Variants in BTBD7 observed in about 807,000 individuals in gnomAD.
BTBD7 encodes the protein BTB domain containing 7, also known as BTB/POZ domain-containing protein 7.
BTBD7 carries 38 observed loss-of-function variants against 99.9 expected under a neutral mutation model. The ratio of observed to expected loss-of-function variants is 0.38; its 90% CI spans 0.29 to 0.50. BTBD7 has a LOEUF of 0.50. BTBD7 is among the 20% of genes least tolerant of loss of function. BTBD7 has a pLI of 0.93. For synonymous variants in BTBD7, 520 were observed against 511.4 expected, an observed-to-expected ratio of 1.02 and a Z score of -0.23; for missense variants, 1,170 against 1,394.6, an observed-to-expected ratio of 0.84 and a Z score of 2.57.
At position 93,332,917 on chromosome 14, in the gene BTBD7, AC is replaced by A. The variant is rs1409708998; in HGVS notation, c.-205del. On this transcript the variant is annotated 5_prime_UTR_variant, in exon 1 of 11. An upstream open reading frame in the 5' UTR gains an earlier in-frame stop. Transcript: ENST00000334746. ...CACCGCCGTCCGCACCGGCGCCAGC[AC>A]CCCCGGCCATCCTCCTCCCACCGCC... 3.3e-6 allele frequency: 4 copies of A among 1,223,054 alleles called. No individual in the cohort carries two copies. The highest frequency in any genetic ancestry group is 3.2e-5 in the Admixed American group (1 of 30,996). The allele number at this position is 1,223,054 out of a possible 1,614,324, so 75.8% of individuals were successfully genotyped here.
At chr14:93,253,141 T>C (rs1022239039) in intron 7 of BTBD7, among the ~76,000 whole-genome samples, 1 of 152,228 alleles carries the variant, frequency 6.6e-6, no homozygotes, top group Non-Finnish European at 1.5e-5. Context: ...TGTTACAATA[T>C]ACATAATGCG....
chr14:93,300,768 G>A lies in BTBD7; in HGVS notation c.-106-4611C>T, dbSNP rs1337649883. On this transcript the variant is annotated intron_variant, in intron 1 of 10. Coordinates refer to ENST00000334746, the MANE Select transcript of BTBD7 (RefSeq NM_001002860.4). Reference sequence around the variant, plus strand: ...TGTGTGTGTGTGTGTGTGTGTGTGTGTGTGTATATATATATATATTTTTTT... The same window carrying A: ...TGTGTGTGTGTGTGTGTGTGTGTGTATGTGTATATATATATATATTTTTTT... 2.3e-3 allele frequency among the ~76,000 whole-genome samples: 80 copies of A among 34,388 alleles called. 2 individuals carry two copies. Among genetic ancestry groups the A allele is most frequent in the African/African-American group, 5.2e-3 (22 of 4,254 alleles). The allele number at this position is 34,388 out of a possible 152,430, so 22.6% of individuals were successfully genotyped here. A position where few individuals can be genotyped will look rare whatever the true frequency, so the allele number is the denominator to read the frequency against.
At chr14:93,280,869 C>T (rs1441597817) in intron 3 of BTBD7, among the ~76,000 whole-genome samples, 2 of 139,224 alleles carry the variant, frequency 1.4e-5, no homozygotes, top group East Asian at 2.2e-4. Context: ...TTTTTTGAAA[C>T]AGATCTTACT....
chr14:93,280,329 T>G (rs1435546544), intron 3 of BTBD7, among the ~76,000 whole-genome samples: 1 of 152,238 alleles, frequency 6.6e-6, no homozygotes, highest in African/African-American at 2.4e-5. Flanking sequence ...CACTGTTCTT[T>G]AATGTAAACA....
At chr14:93,295,912 A>T in intron 2 of BTBD7, 58 bp downstream of exon 2, 1 of 1,541,080 alleles carries the variant, frequency 6.5e-7, no homozygotes, top group Admixed American at 1.7e-5. Flanking sequence ...GAGACTACCG[A>T]AAACACAATT....
rs200559847 is a variant in BTBD7 at position 93,302,998 on chromosome 14, G to A, written c.-106-6841C>T. On this transcript the variant is annotated intron_variant, in intron 1 of 10. Transcript: ENST00000334746. ...AGTGCACTGCAGCCTGGGTGACAGA[G>A]CAAGATCCTATCTCAAAAAAAGAGG... Among the ~76,000 whole-genome samples the A allele has an allele frequency of 3.9e-5, 6 of 152,246 alleles. No individual in the cohort carries two copies. The East Asian group carries it at 1.2e-3, about 29-fold the overall frequency.
At chr14:93,280,035 C>T (rs2052701266) in intron 3 of BTBD7, among the ~76,000 whole-genome samples, 1 of 152,158 alleles carries the variant, frequency 6.6e-6, no homozygotes, top group African/African-American at 2.4e-5. Context: ...ATTTAATCTA[C>T]TGCCTCTAAA....
intron 1 of BTBD7, among the ~76,000 whole-genome samples, chr14:93,312,347 T>C (rs1272048574): frequency 6.6e-6 from 1 of 152,244 alleles, no homozygotes; most frequent in Non-Finnish European, 1.5e-5. Context: ...CAGCTTAAAG[T>C]ACCAGTTAAA....
chr14:93,255,178 C>T (rs2052415261), intron 6 of BTBD7, among the ~76,000 whole-genome samples: 1 of 152,180 alleles, frequency 6.6e-6, no homozygotes, highest in Non-Finnish European at 1.5e-5. Flanking sequence ...CAGGGTCTCA[C>T]TCTGTTGCCC....
intron 5 of BTBD7, among the ~76,000 whole-genome samples, chr14:93,260,036 G>T (rs1469852060): frequency 6.6e-6 from 1 of 152,114 alleles, no homozygotes; most frequent in Admixed American, 6.5e-5. Context: ...AATTGCTAAA[G>T]GTTTTTGCCA....
At chr14:93,261,741 G>C in intron 4 of BTBD7, 64 bp from the exon 5 acceptor site, 2 of 1,224,320 alleles carry the variant, frequency 1.6e-6, no homozygotes, top group Non-Finnish European at 2.4e-6. Flanking sequence ...TTTCATTAAG[G>C]ACTTTTCGTA....
At chr14:93,313,449 T>C (rs1319846383) in intron 1 of BTBD7, among the ~76,000 whole-genome samples, 1 of 152,206 alleles carries the variant, frequency 6.6e-6, no homozygotes, top group Non-Finnish European at 1.5e-5. Context: ...TAACCTATTA[T>C]AATTCATAAC....
At chr14:93,261,270 TCAA>T (rs1313274743) in intron 5 of BTBD7, among the ~76,000 whole-genome samples, 1 of 152,258 alleles carries the variant, frequency 6.6e-6, no homozygotes, top group African/African-American at 2.4e-5. Flanking sequence ...CAAATTTTCA[TCAA>T]CATTATGCTT....
At chr14:93,304,618 T>C (rs892542634) in intron 1 of BTBD7, among the ~76,000 whole-genome samples, 4 of 152,168 alleles carry the variant, frequency 2.6e-5, no homozygotes, top group African/African-American at 9.7e-5. Context: ...TCCCAGAGTG[T>C]TGGGATTACA....
rs2052247855 is a variant in BTBD7, at chr14:93,242,688, C to A, written c.2984G>T (p.Gly995Val). Residue 995 changes from glycine (G) to valine (V), a missense_variant, in exon 11 of 11, where the codon GGT becomes GTT. Physicochemically the swap from Gly to Val is moderately radical, Grantham distance 109. Around this residue, in one of 4 missense-constraint regions of BTBD7, gnomAD observed 495 missense variants for 525.9 expected, o/e 0.94. Transcript: ENST00000334746. ...PSGLKSAYLPGQTSPKKQEEA... is the reference protein window; with the variant it reads ...PSGLKSAYLPVQTSPKKQEEA... ...TTCCTGTTTTTTAGGAGACGTCTGACCAGGTAGGTAGGCTGACTTTAAGCC... is the reference window on the plus strand; with the variant it reads ...TTCCTGTTTTTTAGGAGACGTCTGAACAGGTAGGTAGGCTGACTTTAAGCC... The A allele has an allele frequency of 1.9e-6, 3 of 1,614,122 alleles. No individual in the cohort carries two copies. The highest frequency in any genetic ancestry group is 1.7e-5 in the Admixed American group (1 of 60,012).
At chr14:93,296,286 A>G (rs1375912986) in intron 1 of BTBD7, 129 bp from the exon 2 acceptor site, 1 of 603,150 alleles carries the variant, frequency 1.7e-6, no homozygotes, top group African/African-American at 1.9e-5. Flanking sequence ...CACATGTCAA[A>G]TTTTCATAAA....
chr14:93,246,309 A>G (rs538200278), intron 9 of BTBD7, 23 bp from the exon 10 acceptor site: 237 of 1,486,238 alleles, frequency 1.6e-4, no homozygotes, highest in Middle Eastern at 3.6e-4. Flanking sequence ...AAAAAAAAAA[A>G]AAAAGGACAT....
At chr14:93,287,190 T>C (rs957584461) in intron 3 of BTBD7, among the ~76,000 whole-genome samples, 3 of 149,104 alleles carry the variant, frequency 2.0e-5, no homozygotes, top group Admixed American at 6.7e-5. Context: ...GATTGGGCCA[T>C]TGCACTCTAG....
rs1284724734 is a variant in BTBD7, at chr14:93,250,371, C to A, written c.1942+1092G>T. Among the ~76,000 whole-genome samples, 5 of 152,210 alleles carry A rather than the reference C, an allele frequency of 3.3e-5. No homozygotes were observed. In the East Asian group the frequency reaches 7.7e-4, roughly 23 times the overall value. ...AAAGCCAGGCTAATTAGCAAAGCTT[C>A]AAAATCTGCATAAATCAGCTAAAGA... On this transcript the variant is annotated intron_variant, in intron 8 of 10. Coordinates refer to ENST00000334746, the MANE Select transcript of BTBD7 (RefSeq NM_001002860.4).
Sources: gnomAD v4.1 joint callset for allele counts (sites outside exome capture counted in the v4.1 genomes callset) on GRCh38, gnomAD v4.1.1 for gene constraint, gnomAD v4.1.1 regional missense constraint, MANE v1.5 for transcripts, NCBI Gene and HGNC (gene_info 2026-07-23, HGNC 2026-07-21) for gene names.